PTER: variants seen among roughly 807,000 people sequenced by gnomAD.
PTER encodes N-acetyltaurine hydrolase.
PTER carries 38 observed loss-of-function variants against 29.6 expected under a neutral mutation model. The ratio of observed to expected loss-of-function variants is 1.28; its 90% CI spans 0.99 to 1.68. The LOEUF (loss-of-function observed/expected upper bound fraction) is 1.68. PTER is among the 40% of genes most tolerant of loss of function. The pLI, the probability that PTER is intolerant of heterozygous loss-of-function variation, is 0.00. For missense variants in PTER, 482 were observed against 427.8 expected (o/e 1.13, Z -1.12); for synonymous variants, 172 against 154.5 (o/e 1.11, Z -0.84).
chr10:16,482,186 C>A (rs759328851), intron 1 of PTER, among the ~76,000 whole-genome samples: 7 of 152,194 alleles, frequency 4.6e-5, no homozygotes, highest in Non-Finnish European at 1.0e-4. Flanking sequence ...ATCATTTATG[C>A]CTTATAAGCC....
chr10:16,507,738 C>A (rs1470364725), intron 4 of PTER, among the ~76,000 whole-genome samples: 1 of 152,238 alleles, frequency 6.6e-6, no homozygotes, highest in African/African-American at 2.4e-5. Context: ...TCTACATGAG[C>A]AAATGACTTC....
At chr10:16,499,320 G>C (rs540041339) in intron 3 of PTER, among the ~76,000 whole-genome samples, 30 of 152,208 alleles carry the variant, frequency 2.0e-4, no homozygotes, top group African/African-American at 5.5e-4. Flanking sequence ...TTGAAAACCT[G>C]TGTGATCACT....
At chr10:16,447,101 C>CTTTTTTTTTTTTTTT (rs71374690) in intron 1 of PTER, among the ~76,000 whole-genome samples, 2 of 124,628 alleles carry the variant, frequency 1.6e-5, no homozygotes, top group African/African-American at 3.1e-5. Context: ...TTTTTCTTTT[C>CTTTTTTTTTTTTTTT]TTTTTTTTTT....
chr10:16,495,462 G>T (rs1001733743), intron 3 of PTER, among the ~76,000 whole-genome samples: 1 of 152,130 alleles, frequency 6.6e-6, no homozygotes, highest in African/African-American at 2.4e-5. Context: ...GAGCCACCAT[G>T]CCCAACCTTC....
At chr10:16,451,128 G>A (rs918374945) in intron 1 of PTER, among the ~76,000 whole-genome samples, 1 of 152,174 alleles carries the variant, frequency 6.6e-6, no homozygotes, top group Non-Finnish European at 1.5e-5. Flanking sequence ...AGAACTTGGA[G>A]TCTAATGTTT....
intron 3 of PTER, among the ~76,000 whole-genome samples, chr10:16,503,684 G>C (rs561236726): frequency 6.6e-5 from 10 of 151,814 alleles, no homozygotes; most frequent in Non-Finnish European, 1.0e-4. Context: ...GGGATTACAG[G>C]TGTGAGCCAC....
intron 3 of PTER, among the ~76,000 whole-genome samples, chr10:16,494,687 G>A (rs140207804): frequency 7.8e-4 from 119 of 152,210 alleles, no homozygotes; most frequent in African/African-American, 2.7e-3. Context: ...AATTATTAGT[G>A]GAAGTAGCAA....
chr10:16,516,646 G>A (rs984327262), downstream of PTER, among the ~76,000 whole-genome samples: 4 of 152,118 alleles, frequency 2.6e-5, no homozygotes, highest in Admixed American at 6.6e-5. Flanking sequence ...GGAGAAACAG[G>A]ACATACTAAA....
At chr10:16,470,720 A>T (rs533425632) in intron 1 of PTER, among the ~76,000 whole-genome samples, 1 of 152,120 alleles carries the variant, frequency 6.6e-6, no homozygotes, top group African/African-American at 2.4e-5. Flanking sequence ...GTGAGCCAAG[A>T]TTGTGCCACT....
chr10:16,510,596 G>A (rs550261524), intron 4 of PTER, among the ~76,000 whole-genome samples: 2 of 152,176 alleles, frequency 1.3e-5, no homozygotes, highest in African/African-American at 2.4e-5. Context: ...TATTTTAATC[G>A]CAAACAGTCC....
intron 1 of PTER, among the ~76,000 whole-genome samples, chr10:16,438,150 C>T (rs192137630): frequency 2.0e-5 from 3 of 149,860 alleles, no homozygotes; most frequent in African/African-American, 4.9e-5. Context: ...GGACTACAGG[C>T]GCGCTCCACC....
rs1834379862 is a variant in PTER, at chr10:16,455,962, C to T, written c.-49+18915C>T. ...GTGTTATTACTTTTTTTTTGGAAACCGAGCATCTAAGTAATTCTGAGTTCT... is the reference window on the plus strand; with the variant it reads ...GTGTTATTACTTTTTTTTTGGAAACTGAGCATCTAAGTAATTCTGAGTTCT... On this transcript the variant is annotated intron_variant, in intron 1 of 4. Transcript: ENST00000535784. Among the ~76,000 whole-genome samples the T allele has an allele frequency of 2.0e-5, 3 of 151,748 alleles. No individual in the cohort carries two copies. In the South Asian group the frequency reaches 6.2e-4, roughly 32 times the overall value.
intron 1 of PTER, among the ~76,000 whole-genome samples, chr10:16,472,256 T>C (rs1175646704): frequency 3.3e-5 from 5 of 152,246 alleles, no homozygotes; most frequent in African/African-American, 1.2e-4. Flanking sequence ...ATAGATATTA[T>C]TTTTATGATT....
intron 4 of PTER, among the ~76,000 whole-genome samples, chr10:16,510,304 T>C (rs997894579): frequency 2.6e-5 from 4 of 152,236 alleles, no homozygotes; most frequent in African/African-American, 7.2e-5. Context: ...CAGGAAGCTG[T>C]TCTTTAGTCC....
At chr10:16,444,033 C>T (rs1286729798) in intron 1 of PTER, among the ~76,000 whole-genome samples, 3 of 147,512 alleles carry the variant, frequency 2.0e-5, no homozygotes, top group East Asian at 2.0e-4. Flanking sequence ...GATGGAGTCT[C>T]GCTCTGTTGC....
chr10:16,458,247 A>C (rs1024739479), intron 1 of PTER, among the ~76,000 whole-genome samples: 1 of 152,020 alleles, frequency 6.6e-6, no homozygotes, highest in Non-Finnish European at 1.5e-5. Flanking sequence ...AAGCTCTCAT[A>C]TCACAACTTG....
chr10:16,438,613 T>G (rs1833740740), intron 1 of PTER, among the ~76,000 whole-genome samples: 1 of 148,984 alleles, frequency 6.7e-6, no homozygotes. Flanking sequence ...CTGGCCTGCC[T>G]GTTTTCTAGA....
At chr10:16,487,026 G>A (rs1273771580) in intron 3 of PTER, among the ~76,000 whole-genome samples, 1 of 152,210 alleles carries the variant, frequency 6.6e-6, no homozygotes, top group Non-Finnish European at 1.5e-5. Context: ...GGGAGGGAAT[G>A]TCAATGGTTT....
At chr10:16,508,405 CT>C (rs1355981421) in intron 4 of PTER, among the ~76,000 whole-genome samples, 2 of 152,062 alleles carry the variant, frequency 1.3e-5, no homozygotes, top group Non-Finnish European at 2.9e-5. Context: ...GAAATGGGAA[CT>C]TTGCACTCTG....
Sources: gnomAD v4.1 joint callset for allele counts (sites outside exome capture counted in the v4.1 genomes callset) on GRCh38, gnomAD v4.1.1 for gene constraint, MANE v1.5 for transcripts, NCBI Gene and HGNC (gene_info 2026-07-23, HGNC 2026-07-21) for gene names.